The following VWA5B1 variants were observed in gnomAD, a reference collection of about 807,000 sequenced individuals.
VWA5B1 encodes von Willebrand factor A domain-containing protein 5B1.
Under a neutral mutation model 118.2 loss-of-function variants are expected in VWA5B1, and 115 were observed. The observed-to-expected ratio is 0.97, with a 90% CI of 0.84 to 1.14. The LOEUF (loss-of-function observed/expected upper bound fraction) is 1.14. Ranked by LOEUF, VWA5B1 falls within the 50% of genes most tolerant of loss-of-function variation. The probability of loss-of-function intolerance (pLI) is 0.00; values close to 1 mark genes in which losing one functional copy is unlikely to be tolerated. For missense variants in VWA5B1, 1,596 were observed against 1,603.8 expected (o/e 1.00, Z 0.08); for synonymous variants, 682 against 658.4 (o/e 1.04, Z -0.55).
chr1:20,324,780 A>G (rs150234389), intron 8 of VWA5B1, among the ~76,000 whole-genome samples: 4 of 152,278 alleles, frequency 2.6e-5, no homozygotes, highest in Admixed American at 1.3e-4. Context: ...AGTTGTCTTG[A>G]AGTATGACAA....
In VWA5B1 at chr1:20,323,436, G is replaced by A; in HGVS notation, c.1047G>A (p.Gln349=). 2 of 1,538,206 alleles carry A rather than the reference G, an allele frequency of 1.3e-6. No individual in the cohort carries two copies. The highest frequency in any genetic ancestry group is 1.8e-6 in the Non-Finnish European group (2 of 1,141,130). ...TGCTCAACTTCTGTCCCGACCTCCA[G>A]TCAGTCCAGCCGTGCCTGAGAAAGG... ...VIMLNFCPDL[Q]SVQPCLRKAH... The change falls in exon 8 of 22, where the codon CAG becomes CAA. Residue 349 remains glutamine, a synonymous_variant. Transcript: ENST00000289815.
At chr1:20,317,453 C>T (rs2089050773) in intron 4 of VWA5B1, 77 bp from the exon 5 acceptor site, 6 of 1,509,210 alleles carry the variant, frequency 4.0e-6, no homozygotes, top group Middle Eastern at 1.8e-4. Flanking sequence ...AACTCATCGT[C>T]CTCTCCTTGT....
At chr1:20,294,881 G>A (rs2088376045) in intron 1 of VWA5B1, among the ~76,000 whole-genome samples, 1 of 152,236 alleles carries the variant, frequency 6.6e-6, no homozygotes, top group Non-Finnish European at 1.5e-5. Flanking sequence ...GAGCCACCAT[G>A]CCTGGCCTCC....
rs769215744 is a variant in VWA5B1 at position 20,356,885 on chromosome 1, G to A, written c.*2622G>A. 1.8e-4 allele frequency among the ~76,000 whole-genome samples: 28 copies of A among 152,188 alleles called. No homozygotes were observed. The highest frequency in any genetic ancestry group is 3.5e-4 in the Non-Finnish European group (24 of 68,034). ...CATGCAGCCTCAAAAACGTGCTACC[G>A]GGACTGCTAGGCAGAGGACCTAGGG... is the stretch of plus-strand genomic sequence containing the variant. On this transcript the variant is annotated 3_prime_UTR_variant, in exon 22 of 22. Coordinates refer to ENST00000289815, the MANE Select transcript of VWA5B1 (RefSeq NM_001039500.3).
At position 20,323,273 on chromosome 1, in the gene VWA5B1, G is replaced by A. The variant is rs112858185; in HGVS notation, c.967-83G>A. 75 of 1,277,064 alleles carry A rather than the reference G, an allele frequency of 5.9e-5. 1 individual carries two copies. The African/African-American group carries it at 9.6e-4, about 16-fold the overall frequency. The allele number at this position is 1,277,064 out of a possible 1,614,324, so 79.1% of individuals were successfully genotyped here. On this transcript the variant is annotated intron_variant, in intron 7 of 21. Transcript: ENST00000289815. ...GAGCCTGAGCAGGATGTGGGTGCAC[G>A]GTGAGTGACGGGGACCAGCATGAGT...
At chr1:20,317,281 G>C (rs78917912) in intron 4 of VWA5B1, among the ~76,000 whole-genome samples, 3 of 152,042 alleles carry the variant, frequency 2.0e-5, no homozygotes, top group East Asian at 3.9e-4. Flanking sequence ...CGGTGAGAAC[G>C]ATGTGAGCTA....
At chr1:20,317,061 C>G (rs1232217342) in intron 4 of VWA5B1, among the ~76,000 whole-genome samples, 1 of 147,142 alleles carries the variant, frequency 6.8e-6, no homozygotes, top group Non-Finnish European at 1.5e-5. Flanking sequence ...GAGGCTGAGG[C>G]AGGAGAATGG....
Position 20,354,051 on chromosome 1 carries a change from C to T in VWA5B1, c.3436C>T (p.Leu1146=), listed in dbSNP as rs1292368447. ...GAAGCTGTGGGCCACGGTGGTGGGG[C>T]TGGCATGGCTGGAGCACAGTTCGGC... ...TGKLWATVVG[L]AWLEHSSASY... Residue 1146 remains leucine, a synonymous_variant, in exon 22 of 22, where the codon CTG becomes TTG. Transcript: ENST00000289815. The T allele has an allele frequency of 1.3e-6, 2 of 1,551,596 alleles. No homozygotes were observed. Among genetic ancestry groups the T allele is most frequent in the East Asian group, 2.4e-5 (1 of 40,908 alleles).
intron 4 of VWA5B1, among the ~76,000 whole-genome samples, chr1:20,314,806 G>A (rs935601075): frequency 2.6e-5 from 4 of 151,782 alleles, no homozygotes; most frequent in Non-Finnish European, 4.4e-5. Context: ...GTACTGGCCA[G>A]AAGTTATGAA....
chr1:20,310,455 T>C, intron 1 of VWA5B1, 121 bp from the exon 2 acceptor site: 1 of 1,018,836 alleles, frequency 9.8e-7, no homozygotes, highest in Non-Finnish European at 1.3e-6. Flanking sequence ...AACTGGGAAG[T>C]TCTTGGGGAA....
chr1:20,295,190 G>C (rs1433453704), intron 1 of VWA5B1, among the ~76,000 whole-genome samples: 2 of 152,198 alleles, frequency 1.3e-5, no homozygotes, highest in Non-Finnish European at 2.9e-5. Context: ...AGGGCTCTGG[G>C]TTGAGGGAGG....
rs117055222 is a variant in VWA5B1 at position 20,293,596 on chromosome 1, A to G, written c.-27+2508A>G. Among the ~76,000 whole-genome samples, 617 of 152,322 alleles carry G rather than the reference A, an allele frequency of 4.1e-3. 31 individuals are homozygous for G. In the East Asian group the frequency reaches 0.09, roughly 22 times the overall value. The stretch of plus-strand genomic sequence containing the variant: ...GTGGTCTCACAGGCGTCCTTACTCC[A>G]GTCAGCCTGGGAAGGGGCTTGAGCA... On this transcript the variant is annotated intron_variant, in intron 1 of 21. Transcript: ENST00000289815.
intron 1 of VWA5B1, among the ~76,000 whole-genome samples, chr1:20,291,601 A>G (rs1414572093): frequency 1.3e-5 from 2 of 151,056 alleles, no homozygotes; most frequent in East Asian, 3.9e-4. Context: ...TCAGTCCCCC[A>G]TCATCCCTCA....
At chr1:20,332,130 G>A (rs749249205) in intron 11 of VWA5B1, among the ~76,000 whole-genome samples, 1 of 152,158 alleles carries the variant, frequency 6.6e-6, no homozygotes, top group African/African-American at 2.4e-5. Flanking sequence ...GCAAACCTGT[G>A]TGCCCTTGGG....
intron 5 of VWA5B1, among the ~76,000 whole-genome samples, chr1:20,317,985 C>G (rs151160132): frequency 0.013 from 2,029 of 150,612 alleles, 55 homozygotes; most frequent in African/African-American, 0.047. Flanking sequence ...TGGTTCTCAC[C>G]TTGTCTACAT....
Position 20,304,561 on chromosome 1 carries a change from G to T in VWA5B1, c.-26-6015G>T, listed in dbSNP as rs116502494. The stretch of plus-strand genomic sequence containing the variant: ...GCTAAGGAAAAATGGAGGTGTGTGT[G>T]TGTGTGCACGTGCGTGCATGTGTGT... On this transcript the variant is annotated intron_variant, in intron 1 of 21. Coordinates refer to ENST00000289815, the MANE Select transcript of VWA5B1 (RefSeq NM_001039500.3). Among the ~76,000 whole-genome samples, 159 of 152,230 alleles carry T rather than the reference G, an allele frequency of 1.0e-3. 1 individual carries two copies. The highest frequency in any genetic ancestry group is 3.6e-3 in the African/African-American group (149 of 41,536).
intron 2 of VWA5B1, among the ~76,000 whole-genome samples, chr1:20,312,231 A>G (rs931520147): frequency 2.0e-5 from 3 of 152,210 alleles, no homozygotes; most frequent in Admixed American, 2.0e-4. Flanking sequence ...ACAAAATCCA[A>G]GGTCATTCGT....
chr1:20,358,903 T>C lies in VWA5B1; in HGVS notation c.*4640T>C, dbSNP rs2090275141. On this transcript the variant is annotated 3_prime_UTR_variant, in exon 22 of 22. Coordinates refer to ENST00000289815, the MANE Select transcript of VWA5B1 (RefSeq NM_001039500.3). ...CTGATCCGCAGAGATCTGTCCAAGG[T>C]CAGGGGCTTGGCAGCAGCTCCTGGC... Among the ~76,000 whole-genome samples, 1 of 152,144 alleles carries C rather than the reference T, an allele frequency of 6.6e-6. No individual in the cohort carries two copies. The highest frequency in any genetic ancestry group is 2.4e-5 in the African/African-American group (1 of 41,440).
At chr1:20,328,420 C>T (rs572786014) in intron 9 of VWA5B1, among the ~76,000 whole-genome samples, 37 of 151,958 alleles carry the variant, frequency 2.4e-4, no homozygotes, top group African/African-American at 8.7e-4. Context: ...GGCGTGGCAG[C>T]GGGCTAAGAA....
Sources: allele counts gnomAD v4.1 joint callset (sites outside exome capture counted in the v4.1 genomes callset), GRCh38; gene constraint gnomAD v4.1.1; transcripts MANE v1.5; gene names NCBI Gene and HGNC (gene_info 2026-07-23, HGNC 2026-07-21).